The following TMPRSS12 variants were observed in gnomAD, a reference collection of about 807,000 sequenced individuals.
TMPRSS12 encodes the protein transmembrane protease serine 12.
Under a neutral mutation model 26.0 loss-of-function variants are expected in TMPRSS12, and 25 were observed. That is an observed-to-expected ratio of 0.96 (90% CI 0.70 to 1.34). The LOEUF (loss-of-function observed/expected upper bound fraction) is 1.34. Among genes scored for constraint, TMPRSS12 ranks in the 40% most tolerant of loss-of-function variants. TMPRSS12 has a pLI of 0.00. For missense variants in TMPRSS12, 441 were observed against 440.1 expected, an observed-to-expected ratio of 1.00 and a Z score of -0.02; for synonymous variants, 150 against 161.7, an observed-to-expected ratio of 0.93 and a Z score of 0.55.
intron 4 of TMPRSS12, 118 bp downstream of exon 4, chr12:50,885,506 T>C (rs1565938827): frequency 1.7e-6 from 2 of 1,206,140 alleles, no homozygotes; most frequent in Non-Finnish European, 2.4e-6. Context: ...TAATAAATCA[T>C]TTTTTCTCCT....
chr12:50,856,840 G>A (rs183919943), intron 2 of TMPRSS12, among the ~76,000 whole-genome samples: 29 of 122,652 alleles, frequency 2.4e-4, no homozygotes, highest in African/African-American at 8.5e-4. Flanking sequence ...CATGTGCCAC[G>A]ACATCCGGCT....
intron 4 of TMPRSS12, chr12:50,886,100 T>C (rs1938224064): frequency 6.6e-6 from 1 of 152,206 alleles, no homozygotes; most frequent in Non-Finnish European, 1.5e-5. Flanking sequence ...TTTATATATC[T>C]TCTTTACAGA....
In TMPRSS12 at chr12:50,858,873, A is replaced by G. The variant is rs760485285; in HGVS notation, c.472A>G (p.Ile158Val). The G allele has an allele frequency of 1.9e-6, 3 of 1,598,346 alleles. No individual in the cohort carries two copies. The South Asian group carries it at 3.4e-5, about 18-fold the overall frequency. The change falls in exon 3 of 5, where the codon ATT becomes GTT. Residue 158 changes from isoleucine (I) to valine (V), a missense_variant. By Grantham distance (29) the Ile-to-Val change is conservative. Coordinates refer to ENST00000398458, the MANE Select transcript of TMPRSS12 (RefSeq NM_182559.3). ...HTKKIKIKAI[I>V]IHPNFILESY... ...CAAGAAGATAAAAATTAAAGCAATC[A>G]TTATTCATCCAAACTTCATTTTGGA...
Position 50,858,778 on chromosome 12 carries a change from C to A in TMPRSS12, c.384-7C>A. On this transcript the variant is annotated splice_region_variant and splice_polypyrimidine_tract_variant and intron_variant, in intron 2 of 4. Coordinates refer to ENST00000398458, the MANE Select transcript of TMPRSS12 (RefSeq NM_182559.3). ...TATTTATAATAAGAATGTTTACTTT[C>A]TTTCAGCGATCCTTTAATGTGGACA... 1.3e-6 allele frequency: 2 copies of A among 1,519,446 alleles called. No individual in the cohort carries two copies. Among genetic ancestry groups the A allele is most frequent in the East Asian group, 2.3e-5 (1 of 43,106 alleles). 94.1% of individuals were successfully genotyped at this position (1,519,446 alleles called of 1,614,324 possible).
In TMPRSS12 at chr12:50,887,298, G is replaced by A. The variant is rs749249463; in HGVS notation, c.832G>A (p.Glu278Lys). The A allele has an allele frequency of 1.2e-6, 2 of 1,613,866 alleles. No homozygotes were observed. Among genetic ancestry groups the A allele is most frequent in the East Asian group, 4.5e-5 (2 of 44,874 alleles). ...SGGPLMCYLP[E>K]YKRFFVMGIT... is the part of the protein sequence containing the mutation. ...GGGACCATTAATGTGCTACTTACCAGAATATAAAAGATTTTTTGTAATGGG... is the reference window on the plus strand; with the variant it reads ...GGGACCATTAATGTGCTACTTACCAAAATATAAAAGATTTTTTGTAATGGG... Residue 278 changes from glutamate to lysine, a missense_variant, in exon 5 of 5, where the codon GAA becomes AAA. Coordinates refer to ENST00000398458, the MANE Select transcript of TMPRSS12 (RefSeq NM_182559.3).
At chr12:50,856,385 A>G (rs1405531399) in intron 2 of TMPRSS12, among the ~76,000 whole-genome samples, 3 of 152,134 alleles carry the variant, frequency 2.0e-5, no homozygotes, top group African/African-American at 7.2e-5. Context: ...CTGTGAGCCA[A>G]TTAAATCTCT....
intron 3 of TMPRSS12, among the ~76,000 whole-genome samples, chr12:50,868,380 T>C (rs926531123): frequency 1.3e-5 from 2 of 152,062 alleles, no homozygotes; most frequent in Non-Finnish European, 1.5e-5. Flanking sequence ...TTTAATGCAA[T>C]AGCAGTTAAA....
At chr12:50,873,696 TA>T (rs1448156765) in intron 3 of TMPRSS12, among the ~76,000 whole-genome samples, 2 of 152,180 alleles carry the variant, frequency 1.3e-5, no homozygotes, top group Non-Finnish European at 2.9e-5. Flanking sequence ...TTTTGGATGT[TA>T]AAACTGGGCA....
At chr12:50,861,959 G>A (rs1168417346) in intron 3 of TMPRSS12, among the ~76,000 whole-genome samples, 2 of 152,028 alleles carry the variant, frequency 1.3e-5, no homozygotes, top group East Asian at 1.9e-4. Flanking sequence ...ACGGGCACGT[G>A]CCACCACACT....
chr12:50,856,604 C>T (rs1197188733), intron 2 of TMPRSS12, among the ~76,000 whole-genome samples: 2 of 151,814 alleles, frequency 1.3e-5, no homozygotes, highest in African/African-American at 2.4e-5. Context: ...AGTGAGACTA[C>T]CTTGTCAAAT....
At chr12:50,856,772 A>AGCTCCTGGGCTCAAGCAAT in intron 2 of TMPRSS12, among the ~76,000 whole-genome samples, 2 of 152,034 alleles carry the variant, frequency 1.3e-5, no homozygotes, top group Non-Finnish European at 2.9e-5. Context: ...TGCAGCCTTA[A>AGCTCCTGGGCTCAAGCAAT]CCTCCTGGGC....
At position 50,858,958 on chromosome 12, in the gene TMPRSS12, A is replaced by G; in HGVS notation, c.557A>G (p.Tyr186Cys). ...HLKKAVRYND[Y>C]IQPICLPFDV... ...AAAAAAGCAGTGAGGTATAATGACT[A>G]TATTCAGCCTATTTGCCTACCTTTT... Residue 186 changes from tyrosine to cysteine, a missense_variant, in exon 3 of 5, where the codon TAT (tyrosine) becomes TGT (cysteine). Physicochemically the swap from Tyr to Cys is radical, Grantham distance 194. Transcript: ENST00000398458. 2 of 1,593,564 alleles carry G rather than the reference A, an allele frequency of 1.3e-6. No individual in the cohort carries two copies. The highest frequency in any genetic ancestry group is 1.7e-6 in the Non-Finnish European group (2 of 1,168,864).
At chr12:50,882,930 T>C (rs1165097045) in intron 3 of TMPRSS12, among the ~76,000 whole-genome samples, 1 of 152,180 alleles carries the variant, frequency 6.6e-6, no homozygotes, top group African/African-American at 2.4e-5. Flanking sequence ...ATATTATTGA[T>C]TCCAAAATCA....
chr12:50,865,699 GAAAA>G, intron 3 of TMPRSS12, among the ~76,000 whole-genome samples: 1 of 130,994 alleles, frequency 7.6e-6, no homozygotes, highest in East Asian at 2.1e-4. Context: ...GAACAACAAA[GAAAA>G]AAAAAAAACA....
chr12:50,873,553 G>C (rs575426634), intron 3 of TMPRSS12, among the ~76,000 whole-genome samples: 1 of 152,234 alleles, frequency 6.6e-6, no homozygotes, highest in South Asian at 2.1e-4. Context: ...AGTATAAGAC[G>C]TAAGAAGGAA....
At chr12:50,877,503 T>C (rs921591400) in intron 3 of TMPRSS12, among the ~76,000 whole-genome samples, 1 of 152,224 alleles carries the variant, frequency 6.6e-6, no homozygotes, top group Non-Finnish European at 1.5e-5. Context: ...AACAAGTTCG[T>C]TGAGGTTATA....
At chr12:50,864,849 C>T (rs1235605318) in intron 3 of TMPRSS12, among the ~76,000 whole-genome samples, 1 of 151,886 alleles carries the variant, frequency 6.6e-6, no homozygotes, top group Non-Finnish European at 1.5e-5. Flanking sequence ...TTAGTAGAGA[C>T]AGGGTTTCAC....
chr12:50,876,087 G>A (rs1938110361), intron 3 of TMPRSS12, among the ~76,000 whole-genome samples: 1 of 151,866 alleles, frequency 6.6e-6, no homozygotes, highest in South Asian at 2.1e-4. Context: ...TTAAAACACG[G>A]GCAAAAGACA....
Position 50,843,935 on chromosome 12 carries a change from G to A in TMPRSS12, c.281G>A (p.Ser94Asn). The change falls in exon 2 of 5, where the codon AGC (serine) becomes AAC (asparagine). Residue 94 changes from serine to asparagine, a missense_variant. By Grantham distance (46) the Ser-to-Asn change is conservative. Transcript: ENST00000398458. ...AQAGAWPWVV[S>N]LQIKYGRVLV... is the part of the protein sequence containing the mutation. ...GCTGGCGCATGGCCGTGGGTGGTGA[G>A]CCTGCAGATTAAATATGGCCGTGTT... 1.3e-6 allele frequency: 2 copies of A among 1,595,700 alleles called. No individual in the cohort carries two copies. The highest frequency in any genetic ancestry group is 1.7e-6 in the Non-Finnish European group (2 of 1,170,922).
Sources: allele counts gnomAD v4.1 joint callset (sites outside exome capture counted in the v4.1 genomes callset), GRCh38; gene constraint gnomAD v4.1.1; transcripts MANE v1.5; gene names NCBI Gene and HGNC (gene_info 2026-07-23, HGNC 2026-07-21).